Variants in RAD51B observed in about 807,000 individuals in gnomAD.
RAD51B encodes RAD51 paralog B.
RAD51B carries 38 observed loss-of-function variants against 42.2 expected under a neutral mutation model. That is an observed-to-expected ratio of 0.90 (90% CI 0.70 to 1.18). The LOEUF is 1.18. Among genes scored for constraint, RAD51B ranks in the 50% most tolerant of loss-of-function variants. The pLI is 0.00. For missense variants in RAD51B, 373 were observed against 400.7 expected, an observed-to-expected ratio of 0.93 and a Z score of 0.59; for synonymous variants, 154 against 145.2, an observed-to-expected ratio of 1.06 and a Z score of -0.43.
intron 9 of RAD51B, among the ~76,000 whole-genome samples, chr14:68,419,105 AAGCACTTTG>A (rs2084633585): frequency 2.0e-5 from 3 of 152,202 alleles, no homozygotes; most frequent in Non-Finnish European, 4.4e-5. Context: ...AGTTTTTAGC[AAGCACTTTG>A]GGTGATTCTT....
intron 7 of RAD51B, among the ~76,000 whole-genome samples, chr14:68,217,847 A>G (rs2079847874): frequency 6.6e-6 from 1 of 152,206 alleles, no homozygotes; most frequent in South Asian, 2.1e-4. Flanking sequence ...TTTGTTACTT[A>G]ACTTTGAAAG....
chr14:68,347,516 G>T (rs770236398), intron 8 of RAD51B, among the ~76,000 whole-genome samples: 2 of 152,144 alleles, frequency 1.3e-5, no homozygotes, highest in South Asian at 4.1e-4. Flanking sequence ...GACCCATTCC[G>T]TATGAAAAAC....
chr14:68,580,735 C>T (rs17829180), intron 10 of RAD51B, among the ~76,000 whole-genome samples: 13,517 of 152,244 alleles, frequency 0.089, 761 homozygotes, highest in South Asian at 0.15. Flanking sequence ...TTATTTTCCT[C>T]TCTCAGACCC....
chr14:68,047,470 A>G (rs1334534014), intron 7 of RAD51B, among the ~76,000 whole-genome samples: 4 of 152,168 alleles, frequency 2.6e-5, no homozygotes, highest in African/African-American at 4.8e-5. Context: ...AGGAAAAATA[A>G]AGAAGGGCAA....
intron 7 of RAD51B, among the ~76,000 whole-genome samples, chr14:67,989,635 CAAA>C (rs764608072): frequency 1.6e-4 from 11 of 66,894 alleles, no homozygotes; most frequent in Middle Eastern, 9.6e-3. Flanking sequence ...AACTCTGTCT[CAAA>C]AAAAAAAAAA....
intron 8 of RAD51B, among the ~76,000 whole-genome samples, chr14:68,364,872 C>T (rs1011069536): frequency 6.6e-6 from 1 of 152,120 alleles, no homozygotes; most frequent in Admixed American, 6.6e-5. Context: ...TGTGTTTTCC[C>T]TTCTGCCAGT....
intron 7 of RAD51B, among the ~76,000 whole-genome samples, chr14:68,043,020 C>T (rs577360030): frequency 6.6e-6 from 1 of 152,024 alleles, no homozygotes; most frequent in South Asian, 2.1e-4. Flanking sequence ...TGAATGAAAG[C>T]AATCCTAAGG....
At chr14:68,310,095 A>G (rs775368768) in intron 8 of RAD51B, among the ~76,000 whole-genome samples, 5 of 152,200 alleles carry the variant, frequency 3.3e-5, no homozygotes, top group African/African-American at 4.8e-5. Context: ...CCTGTCTTCT[A>G]TAATTCAAGG....
chr14:68,487,920 T>C (rs1883756790), intron 10 of RAD51B, among the ~76,000 whole-genome samples: 1 of 152,206 alleles, frequency 6.6e-6, no homozygotes, highest in Non-Finnish European at 1.5e-5. Flanking sequence ...CTACCATAAC[T>C]GTTTTCCTCA....
At chr14:68,124,937 A>T (rs959693380) in intron 7 of RAD51B, 1 of 150,454 alleles carries the variant, frequency 6.6e-6, no homozygotes, top group African/African-American at 2.5e-5. Context: ...TGACAGAGCA[A>T]GACTCTGACT....
intron 11 of RAD51B, chr14:68,683,038 A>G (rs903159521): frequency 3.8e-6 from 3 of 799,798 alleles, no homozygotes; most frequent in Middle Eastern, 5.8e-4. Flanking sequence ...CAGTTGAGTA[A>G]TCGCCCAAAA....
chr14:67,949,618 C>G (rs912001409), intron 7 of RAD51B, among the ~76,000 whole-genome samples: 1 of 152,198 alleles, frequency 6.6e-6, no homozygotes, highest in Non-Finnish European at 1.5e-5. Context: ...TACCATTAAT[C>G]AGAAATACTC....
intron 7 of RAD51B, among the ~76,000 whole-genome samples, chr14:68,020,411 C>T (rs1235915324): frequency 6.6e-6 from 1 of 152,146 alleles, no homozygotes; most frequent in Non-Finnish European, 1.5e-5. Context: ...GCACCAGCCT[C>T]TTTGCTTTTT....
chr14:68,606,892 A>T (rs895071144), intron 10 of RAD51B, among the ~76,000 whole-genome samples: 1 of 152,190 alleles, frequency 6.6e-6, no homozygotes, highest in Non-Finnish European at 1.5e-5. Flanking sequence ...TACGCATAAG[A>T]TGATGATAAC....
chr14:68,155,741 T>C (rs1009861609), intron 7 of RAD51B, among the ~76,000 whole-genome samples: 7 of 152,188 alleles, frequency 4.6e-5, no homozygotes, highest in African/African-American at 1.2e-4. Context: ...GTTTGAAAAG[T>C]AGAAAAGTTC....
At chr14:68,130,558 C>T (rs1464846276) in intron 7 of RAD51B, among the ~76,000 whole-genome samples, 1 of 152,136 alleles carries the variant, frequency 6.6e-6, no homozygotes, top group East Asian at 1.9e-4. Context: ...TGGATTAAAG[C>T]CATGGTTAAA....
At chr14:68,196,423 C>T (rs1327845449) in intron 7 of RAD51B, among the ~76,000 whole-genome samples, 2 of 151,982 alleles carry the variant, frequency 1.3e-5, no homozygotes, top group African/African-American at 4.8e-5. Flanking sequence ...CCTACAAAGT[C>T]CTGCATGGTC....
In RAD51B at chr14:67,920,349, T is replaced by A. The variant is rs1479264776; in HGVS notation, c.756+33145T>A. ...TTGGAGATTGATTAAAAAATACAAA[T>A]TTTACTGTTTAAAGAATGTTGCCTA... On this transcript the variant is annotated intron_variant, in intron 7 of 10. Coordinates refer to ENST00000471583, the MANE Select transcript of RAD51B (RefSeq NM_133510.4). Among the ~76,000 whole-genome samples the A allele has an allele frequency of 3.3e-5, 5 of 152,296 alleles. No individual in the cohort carries two copies. The East Asian group carries it at 9.6e-4, about 29-fold the overall frequency.
At chr14:67,971,571 G>T (rs2074898980) in intron 7 of RAD51B, among the ~76,000 whole-genome samples, 1 of 151,984 alleles carries the variant, frequency 6.6e-6, no homozygotes, top group African/African-American at 2.4e-5. Context: ...TAGTATTTTA[G>T]AAAATGTGGA....
Sources: gnomAD v4.1 joint callset for allele counts (sites outside exome capture counted in the v4.1 genomes callset) on GRCh38, gnomAD v4.1.1 for gene constraint, MANE v1.5 for transcripts, NCBI Gene and HGNC (gene_info 2026-07-23, HGNC 2026-07-21) for gene names.